Variants in CDK19 observed in about 807,000 individuals in gnomAD.
CDK19 encodes cyclin dependent kinase 19.
A neutral mutation model predicts 68.3 loss-of-function variants in CDK19; 20 were observed. That is an observed-to-expected ratio of 0.29 (90% CI 0.21 to 0.43). The LOEUF (loss-of-function observed/expected upper bound fraction) is 0.43. CDK19 is among the 20% of genes least tolerant of loss of function. The probability of loss-of-function intolerance (pLI) is 1.00; values close to 1 mark genes in which losing one functional copy is unlikely to be tolerated. For synonymous variants in CDK19, 221 were observed against 222.8 expected, an observed-to-expected ratio of 0.99 and a Z score of 0.07; for missense variants, 339 against 623.5, an observed-to-expected ratio of 0.54 and a Z score of 4.86.
chr6:110,670,763 T>C, intron 2 of CDK19: 2 of 621,324 alleles, frequency 3.2e-6, no homozygotes, highest in Non-Finnish European at 5.9e-6. Context: ...TAGGTATATC[T>C]GTTTTGTTTT....
At chr6:110,625,486 C>A (rs1779032786) in intron 8 of CDK19, among the ~76,000 whole-genome samples, 1 of 151,704 alleles carries the variant, frequency 6.6e-6, no homozygotes, top group Non-Finnish European at 1.5e-5. Flanking sequence ...TTTATTGTAC[C>A]CTTGCGAACA....
rs755618032 is a variant in CDK19 at position 110,617,662 on chromosome 6, T to TATATATACACAC, written c.1378-2997_1378-2996insGTGTGTATATAT. Among the ~76,000 whole-genome samples, 443 of 107,132 alleles carry TATATATACACAC rather than the reference T, an allele frequency of 4.1e-3. 1 individual carries two copies. The highest frequency in any genetic ancestry group is 0.016 in the African/African-American group (402 of 25,926). The allele number at this position is 107,132 out of a possible 152,430, so 70.3% of individuals were successfully genotyped here. A position where few individuals can be genotyped will look rare whatever the true frequency, so the allele number is the denominator to read the frequency against. On this transcript the variant is annotated intron_variant, in intron 12 of 12. Coordinates refer to ENST00000368911, the MANE Select transcript of CDK19 (RefSeq NM_015076.5). ...AATAATAAAATTATTTATATATATA[T>TATATATACACAC]ACACACACACACACACACACACACA...
At position 110,614,267 on chromosome 6, in the gene CDK19, GT is replaced by G; in HGVS notation, c.*267del. The G allele has an allele frequency of 3.3e-6, 1 of 307,172 alleles. No individual in the cohort carries two copies. Among genetic ancestry groups the G allele is most frequent in the Non-Finnish European group, 6.1e-6 (1 of 165,124 alleles). The allele number at this position is 307,172 out of a possible 1,614,324, so 19.0% of individuals were successfully genotyped here. ...CAAAGAAATGCTGAAGGTTACAGAA[GT>G]GCTGGGATTAGATCAGACGCTTTAT... is the stretch of plus-strand genomic sequence containing the variant. On this transcript the variant is annotated 3_prime_UTR_variant, in exon 13 of 13. Transcript: ENST00000368911.
intron 1 of CDK19, among the ~76,000 whole-genome samples, chr6:110,769,692 T>C (rs1475414241): frequency 1.3e-5 from 2 of 152,072 alleles, no homozygotes; most frequent in East Asian, 3.8e-4. Flanking sequence ...AAATAGTCAA[T>C]TAATTTTTTT....
intron 4 of CDK19, among the ~76,000 whole-genome samples, chr6:110,659,449 C>A (rs2817764): frequency 0.23 from 34,496 of 152,196 alleles, 4,103 homozygotes; most frequent in African/African-American, 0.29. Flanking sequence ...TTCAATGCCT[C>A]TTGGCTAGCT....
At chr6:110,751,976 A>G (rs1240031516) in intron 1 of CDK19, among the ~76,000 whole-genome samples, 1 of 152,014 alleles carries the variant, frequency 6.6e-6, no homozygotes, top group Non-Finnish European at 1.5e-5. Context: ...TTATGTGATG[A>G]TTTGGCTTAG....
chr6:110,695,680 A>T (rs537480475), intron 2 of CDK19, among the ~76,000 whole-genome samples: 49 of 152,274 alleles, frequency 3.2e-4, no homozygotes, highest in African/African-American at 1.1e-3. Flanking sequence ...CCGATACCAC[A>T]GAAATACAAA....
chr6:110,743,084 G>A (rs139792459), intron 2 of CDK19, among the ~76,000 whole-genome samples: 15 of 151,990 alleles, frequency 9.9e-5, no homozygotes, highest in Non-Finnish European at 1.2e-4. Flanking sequence ...TTCTCAGACC[G>A]GCTGACACTT....
chr6:110,807,814 CTTTTTT>C (rs61710346), intron 1 of CDK19, among the ~76,000 whole-genome samples: 6 of 144,098 alleles, frequency 4.2e-5, no homozygotes, highest in Non-Finnish European at 7.7e-5. Flanking sequence ...TTTATAATAC[CTTTTTT>C]TTTTTTTAAG....
chr6:110,615,219 G>A (rs1277325345), intron 12 of CDK19, among the ~76,000 whole-genome samples: 1 of 152,118 alleles, frequency 6.6e-6, no homozygotes, highest in Non-Finnish European at 1.5e-5. Context: ...CAACATGTGG[G>A]TTTTATAAAC....
At chr6:110,765,552 G>A (rs778304793) in intron 1 of CDK19, among the ~76,000 whole-genome samples, 61 of 151,310 alleles carry the variant, frequency 4.0e-4, no homozygotes, top group Middle Eastern at 3.4e-3. Context: ...GTGGTGGCAC[G>A]TGCCTGTAGT....
rs534285641 is a variant in CDK19, at chr6:110,614,319, C to A, written c.*216G>T. ...CAGAGAAGTCACAATGGAACACATG[C>A]AGGGAAGGGGTGCTGGGGAAACTTC... On this transcript the variant is annotated 3_prime_UTR_variant, in exon 13 of 13. Transcript: ENST00000368911. 18 of 422,560 alleles carry A rather than the reference C, an allele frequency of 4.3e-5. No individual in the cohort carries two copies. Among genetic ancestry groups the A allele is most frequent in the African/African-American group, 3.5e-4 (18 of 51,480 alleles). The allele number at this position is 422,560 out of a possible 1,614,324, so 26.2% of individuals were successfully genotyped here.
chr6:110,672,626 T>C (rs1771115978), intron 2 of CDK19, among the ~76,000 whole-genome samples: 1 of 152,198 alleles, frequency 6.6e-6, no homozygotes. Flanking sequence ...CAATGTTTCT[T>C]AATGCAAATA....
At chr6:110,772,065 C>T (rs770710428) in intron 1 of CDK19, among the ~76,000 whole-genome samples, 8 of 152,166 alleles carry the variant, frequency 5.3e-5, no homozygotes, top group Non-Finnish European at 1.2e-4. Flanking sequence ...CCAACCTCTG[C>T]CAAAGTCACT....
At chr6:110,697,205 G>A (rs531265115) in intron 2 of CDK19, among the ~76,000 whole-genome samples, 30 of 151,654 alleles carry the variant, frequency 2.0e-4, no homozygotes, top group Non-Finnish European at 3.7e-4. Flanking sequence ...ACTCCAGCCC[G>A]GGCAACAAGA....
At chr6:110,706,292 A>T (rs1774466053) in intron 2 of CDK19, 1 of 151,676 alleles carries the variant, frequency 6.6e-6, no homozygotes, top group Non-Finnish European at 1.5e-5. Flanking sequence ...ACCTCAGGTG[A>T]TCCACCTGCC....
chr6:110,740,130 AT>A (rs1018545935), intron 2 of CDK19, among the ~76,000 whole-genome samples: 9 of 147,128 alleles, frequency 6.1e-5, no homozygotes, highest in African/African-American at 2.2e-4. Flanking sequence ...CAAAAAAAAA[AT>A]GATTACTTTT....
At position 110,761,543 on chromosome 6, in the gene CDK19, A is replaced by G. The variant is rs1031711176; in HGVS notation, c.129-15342T>C. On this transcript the variant is annotated intron_variant, in intron 1 of 12. Transcript: ENST00000368911. ...GAAGAGCAGATTGGGCAAGTTTTAA[A>G]TAAGTTGAGAAGACTGTGGTATTGT... Among the ~76,000 whole-genome samples the G allele has an allele frequency of 3.9e-5, 6 of 152,198 alleles. No homozygotes were observed. In the East Asian group the frequency reaches 1.2e-3, roughly 29 times the overall value.
At chr6:110,679,271 G>A (rs186202500) in intron 2 of CDK19, among the ~76,000 whole-genome samples, 10 of 151,618 alleles carry the variant, frequency 6.6e-5, no homozygotes, top group South Asian at 2.1e-4. Flanking sequence ...AGTTATGATC[G>A]TACCACTGCC....
Sources: gnomAD v4.1 joint callset for allele counts (sites outside exome capture counted in the v4.1 genomes callset) on GRCh38, gnomAD v4.1.1 for gene constraint, MANE v1.5 for transcripts, NCBI Gene and HGNC (gene_info 2026-07-23, HGNC 2026-07-21) for gene names.